The following NCKAP5 variants were observed in gnomAD, a reference collection of about 807,000 sequenced individuals.
NCKAP5 encodes NCK associated protein 5, also known as nck-associated protein 5.
Under a neutral mutation model 167.0 loss-of-function variants are expected in NCKAP5, and 92 were observed. The ratio of observed to expected loss-of-function variants is 0.55; its 90% CI spans 0.47 to 0.66. The LOEUF is 0.66. Ranked by LOEUF, NCKAP5 falls within the 30% of genes least tolerant of loss-of-function variation. NCKAP5 has a pLI of 0.00. For missense variants in NCKAP5, 2,378 were observed against 2,315.0 expected (o/e 1.03, Z -0.56); for synonymous variants, 891 against 877.4 (o/e 1.02, Z -0.27).
At chr2:133,272,009 T>A in intron 4 of NCKAP5, among the ~76,000 whole-genome samples, 1 of 152,070 alleles carries the variant, frequency 6.6e-6, no homozygotes, top group East Asian at 1.9e-4. Context: ...TCTATATATT[T>A]GAAATTTTTC....
chr2:132,919,094 T>A (rs1418789510), intron 8 of NCKAP5, among the ~76,000 whole-genome samples: 1 of 152,214 alleles, frequency 6.6e-6, no homozygotes, highest in African/African-American at 2.4e-5. Flanking sequence ...CAGCTTCTTT[T>A]CCATCAACCT....
intron 3 of NCKAP5, among the ~76,000 whole-genome samples, chr2:133,437,511 T>C (rs979556900): frequency 1.3e-5 from 2 of 151,952 alleles, no homozygotes; most frequent in Non-Finnish European, 2.9e-5. Flanking sequence ...TTTTAGAGAG[T>C]AAACTAAAGC....
At chr2:133,425,066 T>C (rs182164014) in intron 3 of NCKAP5, among the ~76,000 whole-genome samples, 1 of 152,322 alleles carries the variant, frequency 6.6e-6, no homozygotes, top group Non-Finnish European at 1.5e-5. Flanking sequence ...GGGAGCCTTG[T>C]TGGATGCCAG....
At chr2:133,203,774 A>AT (rs909249076) in intron 5 of NCKAP5, among the ~76,000 whole-genome samples, 14 of 152,250 alleles carry the variant, frequency 9.2e-5, no homozygotes, top group African/African-American at 2.9e-4. Context: ...TGGGAATGGT[A>AT]TTTTTCCTTG....
chr2:133,534,615 A>C (rs1486684189), intron 2 of NCKAP5, among the ~76,000 whole-genome samples: 2 of 152,068 alleles, frequency 1.3e-5, no homozygotes, highest in Non-Finnish European at 2.9e-5. Context: ...AACTTCTTCC[A>C]CTTCGCATCA....
intron 6 of NCKAP5, among the ~76,000 whole-genome samples, chr2:133,092,755 G>T (rs558678640): frequency 6.6e-6 from 1 of 152,262 alleles, no homozygotes; most frequent in South Asian, 2.1e-4. Context: ...ACGTTTTATG[G>T]TTTTTTGCCC....
chr2:133,378,439 C>G (rs1397850741), intron 3 of NCKAP5, among the ~76,000 whole-genome samples: 2 of 152,142 alleles, frequency 1.3e-5, no homozygotes, highest in African/African-American at 4.8e-5. Flanking sequence ...TTTGTCAGGA[C>G]AACCAGTTTG....
At chr2:133,131,035 T>C (rs16857049) in intron 5 of NCKAP5, among the ~76,000 whole-genome samples, 9,757 of 152,212 alleles carry the variant, frequency 0.064, 394 homozygotes, top group East Asian at 0.17. Context: ...TGTTTTGAAA[T>C]AAACCAAACA....
At chr2:133,314,186 C>G (rs997014653) in intron 3 of NCKAP5, among the ~76,000 whole-genome samples, 1 of 152,194 alleles carries the variant, frequency 6.6e-6, no homozygotes, top group Non-Finnish European at 1.5e-5. Context: ...TTTTTCTGAA[C>G]AGGCCAAGTT....
intron 3 of NCKAP5, among the ~76,000 whole-genome samples, chr2:133,345,316 G>A (rs544864529): frequency 1.3e-5 from 2 of 151,492 alleles, no homozygotes; most frequent in East Asian, 1.9e-4. Flanking sequence ...CCAAGTTTGC[G>A]TTTTTGACAT....
chr2:132,734,008 T>TGGACTCCA (rs1180754609), intron 16 of NCKAP5, among the ~76,000 whole-genome samples: 2 of 152,214 alleles, frequency 1.3e-5, no homozygotes, highest in Non-Finnish European at 2.9e-5. Context: ...TGTTTGGTCA[T>TGGACTCCA]GGACTCCAGG....
At chr2:133,623,212 C>T in the NCKAP5 span, among the ~76,000 whole-genome samples, 12 of 152,140 alleles carry the variant, frequency 7.9e-5, no homozygotes, top group East Asian at 1.7e-3. Context: ...AAGATAACAT[C>T]GGAAAAACTC....
chr2:132,794,648 TACAC>T (rs4057986), intron 12 of NCKAP5, among the ~76,000 whole-genome samples: 7,794 of 142,286 alleles, frequency 0.055, 656 homozygotes, highest in African/African-American at 0.18. Flanking sequence ...CAACAACAAA[TACAC>T]ACACACACAC....
chr2:133,493,588 C>T (rs1681661304), intron 3 of NCKAP5, among the ~76,000 whole-genome samples: 1 of 152,092 alleles, frequency 6.6e-6, no homozygotes, highest in African/African-American at 2.4e-5. Flanking sequence ...TGAAACAAAA[C>T]CCAAAAAGGA....
intron 11 of NCKAP5, among the ~76,000 whole-genome samples, chr2:132,833,296 A>C (rs1467397354): frequency 6.6e-6 from 1 of 152,156 alleles, no homozygotes; most frequent in Non-Finnish European, 1.5e-5. Context: ...ATAGTTTGCA[A>C]ATGTATTCTC....
chr2:133,644,140 T>C, the NCKAP5 span, among the ~76,000 whole-genome samples: 1 of 152,208 alleles, frequency 6.6e-6, no homozygotes, highest in African/African-American at 2.4e-5. Context: ...TCTGTGAGGA[T>C]GTTCCTGGAA....
intron 19 of NCKAP5, among the ~76,000 whole-genome samples, chr2:132,698,319 T>C (rs958145109): frequency 3.3e-5 from 5 of 152,230 alleles, no homozygotes; most frequent in African/African-American, 1.2e-4. Flanking sequence ...GGTGAAATTA[T>C]ACTACCTGCT....
At chr2:133,607,876 G>A in the NCKAP5 span, among the ~76,000 whole-genome samples, 1 of 152,138 alleles carries the variant, frequency 6.6e-6, no homozygotes, top group African/African-American at 2.4e-5. Flanking sequence ...TGGTGAGTCT[G>A]GGACTCATTT....
At chr2:132,871,409 T>G (rs931445682) in intron 9 of NCKAP5, among the ~76,000 whole-genome samples, 5 of 152,174 alleles carry the variant, frequency 3.3e-5, no homozygotes, top group African/African-American at 1.2e-4. Context: ...CATAAATAAT[T>G]TACTTCTTTT....
Sources: allele counts gnomAD v4.1 joint callset (sites outside exome capture counted in the v4.1 genomes callset), GRCh38; gene constraint gnomAD v4.1.1; transcripts MANE v1.5; gene names NCBI Gene and HGNC (gene_info 2026-07-23, HGNC 2026-07-21).